The following EEFSEC variants were observed in gnomAD, a reference collection of about 807,000 sequenced individuals.
EEFSEC encodes the protein eukaryotic elongation factor, selenocysteine-tRNA specific.
In EEFSEC, 43 loss-of-function variants were observed where a neutral mutation model predicts 42.1. The observed-to-expected ratio is 1.02, with a 90% CI of 0.80 to 1.32. The LOEUF (loss-of-function observed/expected upper bound fraction) is 1.32, where lower values mean the gene tolerates loss of function less well. Ranked by LOEUF, EEFSEC falls within the 40% of genes most tolerant of loss-of-function variation. The pLI is 0.00. For missense variants in EEFSEC, 745 were observed against 803.6 expected (o/e 0.93, Z 0.88); for synonymous variants, 354 against 339.1 (o/e 1.04, Z -0.48).
At chr3:128,315,462 G>A (rs1308925075) in intron 4 of EEFSEC, among the ~76,000 whole-genome samples, 7 of 152,170 alleles carry the variant, frequency 4.6e-5, no homozygotes, top group Non-Finnish European at 1.0e-4. Flanking sequence ...GAGAGAGTAA[G>A]GCCCTTGCTC....
chr3:128,315,864 T>G (rs942879702), intron 4 of EEFSEC, among the ~76,000 whole-genome samples: 2 of 152,270 alleles, frequency 1.3e-5, no homozygotes, highest in South Asian at 4.1e-4. Context: ...GAGATCACTA[T>G]GTTTAATTGT....
intron 2 of EEFSEC, among the ~76,000 whole-genome samples, chr3:128,252,514 G>A (rs530046598): frequency 9.9e-5 from 15 of 152,218 alleles, no homozygotes; most frequent in Middle Eastern, 6.8e-3. Flanking sequence ...TAGGGGTTTC[G>A]CATGCATAGT....
chr3:128,164,508 C>T (rs1431022830), intron 1 of EEFSEC, among the ~76,000 whole-genome samples: 2 of 152,082 alleles, frequency 1.3e-5, no homozygotes, highest in Non-Finnish European at 2.9e-5. Context: ...TGGAAGCAGC[C>T]CTGGCTAAAG....
At chr3:128,373,845 G>A (rs2067680823) in intron 6 of EEFSEC, among the ~76,000 whole-genome samples, 1 of 152,174 alleles carries the variant, frequency 6.6e-6, no homozygotes, top group African/African-American at 2.4e-5. Flanking sequence ...AGTCCCATTA[G>A]AGAGAAAGCT....
At position 128,274,081 on chromosome 3, in the gene EEFSEC, A is replaced by G. The variant is rs78450477; in HGVS notation, c.786+9300A>G. 2.9e-3 allele frequency among the ~76,000 whole-genome samples: 435 copies of G among 152,314 alleles called. 1 individual carries two copies. Among genetic ancestry groups the G allele is most frequent in the African/African-American group, 0.01 (425 of 41,578 alleles). On this transcript the variant is annotated intron_variant, in intron 4 of 6. Coordinates refer to ENST00000254730, the MANE Select transcript of EEFSEC (RefSeq NM_021937.5). ...AGGCCAGGTGGATGTCTTAGGATTC[A>G]GCCTCTCCCCTGCTCACCCCAAAGC...
intron 4 of EEFSEC, among the ~76,000 whole-genome samples, chr3:128,308,009 C>T (rs2066850078): frequency 6.6e-6 from 1 of 152,208 alleles, no homozygotes; most frequent in Admixed American, 6.5e-5. Context: ...CATAACAGTG[C>T]CCATCTTGTC....
At chr3:128,270,115 G>A (rs1185031697) in intron 4 of EEFSEC, among the ~76,000 whole-genome samples, 2 of 152,230 alleles carry the variant, frequency 1.3e-5, no homozygotes, top group Admixed American at 1.3e-4. Flanking sequence ...TGGAAGATGG[G>A]TCAGGGTGGT....
intron 4 of EEFSEC, among the ~76,000 whole-genome samples, chr3:128,315,698 G>T (rs61510900): frequency 6.6e-6 from 1 of 152,194 alleles, no homozygotes; most frequent in Non-Finnish European, 1.5e-5. Flanking sequence ...GGAGTGTAAA[G>T]CTCCATTTCT....
intron 1 of EEFSEC, among the ~76,000 whole-genome samples, chr3:128,244,000 G>T (rs2066100757): frequency 6.6e-6 from 1 of 152,232 alleles, no homozygotes; most frequent in Non-Finnish European, 1.5e-5. Context: ...AACTTGGATA[G>T]TCAGAATTAC....
At chr3:128,261,340 C>A (rs920817759) in intron 2 of EEFSEC, among the ~76,000 whole-genome samples, 5 of 152,156 alleles carry the variant, frequency 3.3e-5, no homozygotes, top group African/African-American at 1.2e-4. Context: ...ATAGGCTTGG[C>A]TCAGCCATGT....
intron 5 of EEFSEC, among the ~76,000 whole-genome samples, chr3:128,344,161 C>A (rs921737845): frequency 6.6e-6 from 1 of 152,240 alleles, no homozygotes. Flanking sequence ...TGGCTGTAGG[C>A]TGGGGCTTCT....
chr3:128,371,881 G>A (rs2999041), intron 6 of EEFSEC, among the ~76,000 whole-genome samples: 1 of 152,226 alleles, frequency 6.6e-6, no homozygotes, highest in African/African-American at 2.4e-5. Flanking sequence ...TCCATCCTGA[G>A]GTCTCTGGGT....
chr3:128,364,127 A>T (rs909886203), intron 6 of EEFSEC, among the ~76,000 whole-genome samples: 2 of 152,212 alleles, frequency 1.3e-5, no homozygotes, highest in South Asian at 2.1e-4. Flanking sequence ...GCGAGACCCC[A>T]TCCCTACAAA....
chr3:128,262,091 T>G, intron 2 of EEFSEC, 37 bp from the exon 3 acceptor site: 1 of 1,600,452 alleles, frequency 6.2e-7, no homozygotes, highest in African/African-American at 1.3e-5. Flanking sequence ...ATGTTGCTGA[T>G]CTCTGTAACT....
At chr3:128,377,578 T>G (rs2067724602) in intron 6 of EEFSEC, among the ~76,000 whole-genome samples, 1 of 152,266 alleles carries the variant, frequency 6.6e-6, no homozygotes, top group Non-Finnish European at 1.5e-5. Flanking sequence ...AGCGTAACAG[T>G]AACCAACCTT....
At chr3:128,354,101 C>T (rs2067422851) in intron 5 of EEFSEC, among the ~76,000 whole-genome samples, 1 of 152,142 alleles carries the variant, frequency 6.6e-6, no homozygotes, top group Non-Finnish European at 1.5e-5. Flanking sequence ...TGTGAAATGA[C>T]AGTGTGGGGC....
chr3:128,341,097 C>T, intron 4 of EEFSEC, 136 bp from the exon 5 acceptor site: 1 of 1,079,112 alleles, frequency 9.3e-7, no homozygotes, highest in Non-Finnish European at 1.3e-6. Context: ...GCCTGGGCCC[C>T]AGACCCCCCT....
chr3:128,173,587 A>G (rs1388450586), intron 1 of EEFSEC, among the ~76,000 whole-genome samples: 1 of 152,196 alleles, frequency 6.6e-6, no homozygotes, highest in Non-Finnish European at 1.5e-5. Context: ...CTCCCCTTTT[A>G]AAAGAGTTTC....
chr3:128,341,106 C>T (rs1007795085), intron 4 of EEFSEC, 127 bp from the exon 5 acceptor site: 28 of 1,178,544 alleles, frequency 2.4e-5, no homozygotes, highest in Non-Finnish European at 3.2e-5. Context: ...CCAGACCCCC[C>T]TTGGCTGGTC....
Sources: allele counts gnomAD v4.1 joint callset (sites outside exome capture counted in the v4.1 genomes callset), GRCh38; gene constraint gnomAD v4.1.1; transcripts MANE v1.5; gene names NCBI Gene and HGNC (gene_info 2026-07-23, HGNC 2026-07-21).